Variants in AOPEP observed in about 807,000 individuals in gnomAD.
The protein encoded by AOPEP is aminopeptidase O (putative), also known as aminopeptidase O.
AOPEP carries 77 observed loss-of-function variants against 98.1 expected under a neutral mutation model. The observed-to-expected ratio is 0.78, with a 90% CI of 0.65 to 0.95. The LOEUF is 0.95. AOPEP is among the 40% of genes least tolerant of loss of function. The pLI is 0.00. For synonymous variants in AOPEP, 346 were observed against 365.3 expected (o/e 0.95, Z 0.60); for missense variants, 1,024 against 1,024.7 (o/e 1.00, Z 0.01).
At chr9:95,084,321 A>C (rs1450298919) in intron 16 of AOPEP, among the ~76,000 whole-genome samples, 4 of 152,190 alleles carry the variant, frequency 2.6e-5, no homozygotes, top group Non-Finnish European at 5.9e-5. Flanking sequence ...AAAAGAAATA[A>C]AAAGTTTTTC....
chr9:94,914,705 A>G (rs35322834), intron 5 of AOPEP, among the ~76,000 whole-genome samples: 3,966 of 152,278 alleles, frequency 0.026, 76 homozygotes, highest in Admixed American at 0.063. Context: ...AGTTTTTGCT[A>G]TTTAAGCTGA....
At chr9:94,912,627 A>G (rs1025674234) in intron 5 of AOPEP, among the ~76,000 whole-genome samples, 2 of 152,218 alleles carry the variant, frequency 1.3e-5, no homozygotes, top group African/African-American at 4.8e-5. Context: ...ACCAAAAAGC[A>G]TCTTTCCCAT....
chr9:94,878,841 A>G (rs780269808), intron 5 of AOPEP, among the ~76,000 whole-genome samples: 11 of 152,234 alleles, frequency 7.2e-5, no homozygotes, highest in Non-Finnish European at 1.6e-4. Flanking sequence ...CTGCCTAGAC[A>G]GAGCTGATTT....
chr9:95,138,574 T>C, the AOPEP span, among the ~76,000 whole-genome samples: 13 of 152,348 alleles, frequency 8.5e-5, no homozygotes, highest in South Asian at 2.1e-3. Context: ...GCTTTCCTCA[T>C]GCCTTATCTT....
chr9:94,765,224 A>G (rs1322147323), intron 2 of AOPEP, among the ~76,000 whole-genome samples: 2 of 151,796 alleles, frequency 1.3e-5, no homozygotes, highest in African/African-American at 4.8e-5. Context: ...CAGCCTCCCA[A>G]AGTGCTGGGA....
intron 11 of AOPEP, among the ~76,000 whole-genome samples, chr9:95,003,304 C>A (rs1318702355): frequency 6.6e-6 from 1 of 152,218 alleles, no homozygotes; most frequent in Non-Finnish European, 1.5e-5. Context: ...TGTCTTTATT[C>A]CTGTTACTGG....
chr9:94,887,934 G>T (rs2135990511), intron 5 of AOPEP, among the ~76,000 whole-genome samples: 1 of 152,274 alleles, frequency 6.6e-6, no homozygotes, highest in South Asian at 2.1e-4. Flanking sequence ...AGTGAGCAGT[G>T]GGTTTTATTG....
chr9:94,798,684 G>A (rs1250688838), intron 4 of AOPEP, among the ~76,000 whole-genome samples: 1 of 152,140 alleles, frequency 6.6e-6, no homozygotes, highest in Middle Eastern at 3.2e-3. Flanking sequence ...GGTTTAACAC[G>A]ATCTGAAAGC....
At chr9:95,145,680 G>A in the AOPEP span, among the ~76,000 whole-genome samples, 2 of 152,118 alleles carry the variant, frequency 1.3e-5, no homozygotes, top group Non-Finnish European at 2.9e-5. Flanking sequence ...ACTGCCGCAC[G>A]CACATGCAAG....
Position 94,730,176 on chromosome 9 carries a change from C to A in AOPEP, c.-136+3425C>A, listed in dbSNP as rs989015861. ...GCGGGCGCCTATAGTCCCAGCTACTCGTGAGGCTGAGGCAGGAGAATGGCG... is the reference window on the plus strand; with the variant it reads ...GCGGGCGCCTATAGTCCCAGCTACTAGTGAGGCTGAGGCAGGAGAATGGCG... On this transcript the variant is annotated intron_variant, in intron 1 of 16. Transcript: ENST00000375315. 7.3e-5 allele frequency among the ~76,000 whole-genome samples: 11 copies of A among 151,400 alleles called. No homozygotes were observed. The Admixed American group carries it at 7.3e-4, about 10-fold the overall frequency.
intron 13 of AOPEP, among the ~76,000 whole-genome samples, chr9:95,040,461 A>C (rs2065188747): frequency 6.6e-6 from 1 of 152,254 alleles, no homozygotes; most frequent in Non-Finnish European, 1.5e-5. Context: ...CCACAGAGCC[A>C]CGTGGTAACC....
chr9:94,921,859 C>T (rs990245779), intron 5 of AOPEP, among the ~76,000 whole-genome samples: 8 of 152,210 alleles, frequency 5.3e-5, no homozygotes, highest in Admixed American at 1.3e-4. Flanking sequence ...CCTTCTGAGC[C>T]GGCAGGATGT....
the AOPEP span, among the ~76,000 whole-genome samples, chr9:95,092,941 C>T: frequency 6.6e-6 from 1 of 152,158 alleles, no homozygotes; most frequent in African/African-American, 2.4e-5. Context: ...ATTTAAGTCC[C>T]CAGGGACTTC....
chr9:95,119,554 C>T, the AOPEP span, among the ~76,000 whole-genome samples: 10 of 151,790 alleles, frequency 6.6e-5, no homozygotes, highest in Non-Finnish European at 1.0e-4. Flanking sequence ...TTAGTAGAGA[C>T]GGGGTTTCAC....
intron 7 of AOPEP, chr9:94,933,239 C>T (rs1055284262): frequency 3.0e-6 from 3 of 985,494 alleles, no homozygotes; most frequent in African/African-American, 1.7e-5. Flanking sequence ...GAAAGGCTCG[C>T]CATGCCTCCT....
At chr9:94,945,793 C>T (rs1379508285) in intron 7 of AOPEP, among the ~76,000 whole-genome samples, 1 of 152,180 alleles carries the variant, frequency 6.6e-6, no homozygotes, top group Non-Finnish European at 1.5e-5. Context: ...ATGTTTGTCT[C>T]ATTTGCCTCT....
At chr9:94,807,040 A>G (rs1391129963) in intron 5 of AOPEP, among the ~76,000 whole-genome samples, 1 of 152,164 alleles carries the variant, frequency 6.6e-6, no homozygotes, top group Non-Finnish European at 1.5e-5. Flanking sequence ...TCCACACAGA[A>G]ACCATACTGA....
intron 7 of AOPEP, among the ~76,000 whole-genome samples, chr9:94,929,198 C>G (rs1347336642): frequency 6.6e-6 from 1 of 152,198 alleles, no homozygotes; most frequent in Non-Finnish European, 1.5e-5. Flanking sequence ...CATCACCTCC[C>G]CTCCTCTTCC....
chr9:94,833,506 G>A (rs1010540449), intron 5 of AOPEP, among the ~76,000 whole-genome samples: 9 of 152,030 alleles, frequency 5.9e-5, no homozygotes, highest in Admixed American at 1.3e-4. Flanking sequence ...CAAAGTGCTG[G>A]GATTACAGGT....
Sources: gnomAD v4.1 joint callset for allele counts (sites outside exome capture counted in the v4.1 genomes callset) on GRCh38, gnomAD v4.1.1 for gene constraint, MANE v1.5 for transcripts, NCBI Gene and HGNC (gene_info 2026-07-23, HGNC 2026-07-21) for gene names.